ZCCHC17: variants seen among roughly 807,000 people sequenced by gnomAD.
ZCCHC17 encodes zinc finger CCHC domain-containing protein 17.
Under a neutral mutation model 30.6 loss-of-function variants are expected in ZCCHC17, and 18 were observed. The observed-to-expected ratio is 0.59, with a 90% confidence interval of 0.41 to 0.87. ZCCHC17 has a LOEUF of 0.87. ZCCHC17 is among the 40% of genes least tolerant of loss of function. The pLI, the probability that ZCCHC17 is intolerant of heterozygous loss-of-function variation, is 0.00. For missense variants in ZCCHC17, 263 were observed against 284.2 expected, an observed-to-expected ratio of 0.93 and a Z score of 0.54; for synonymous variants, 88 against 92.4, an observed-to-expected ratio of 0.95 and a Z score of 0.27.
At position 31,315,119 on chromosome 1, in the gene ZCCHC17, C is replaced by T. The variant is rs146656289; in HGVS notation, c.67-3990C>T. On this transcript the variant is annotated intron_variant, in intron 2 of 7. Coordinates refer to ENST00000344147, the MANE Select transcript of ZCCHC17 (RefSeq NM_016505.4). Reference sequence around the variant, plus strand: ...TATGTGTCTCTCTCCACTACTAGATCGTGAGTTACTGTAGAGCAGAGGCCA... The same window carrying T: ...TATGTGTCTCTCTCCACTACTAGATTGTGAGTTACTGTAGAGCAGAGGCCA... Among the ~76,000 whole-genome samples, 796 of 152,284 alleles carry T rather than the reference C, an allele frequency of 5.2e-3. 7 individuals carry two copies. The highest frequency in any genetic ancestry group is 0.018 in the African/African-American group (736 of 41,560).
intron 3 of ZCCHC17, among the ~76,000 whole-genome samples, chr1:31,328,008 TAAGGA>T (rs1221770272): frequency 6.6e-6 from 1 of 152,076 alleles, no homozygotes; most frequent in Non-Finnish European, 1.5e-5. Context: ...AAAAACAAAT[TAAGGA>T]AAGAAAACGT....
chr1:31,346,603 T>C (rs762285986), intron 5 of ZCCHC17, 37 bp from the exon 6 acceptor site: 135 of 1,582,040 alleles, frequency 8.5e-5, no homozygotes, highest in Non-Finnish European at 1.1e-4. Flanking sequence ...GCCATATCTC[T>C]TAAGGGGGCC....
chr1:31,325,613 A>C (rs1441302766), intron 3 of ZCCHC17, among the ~76,000 whole-genome samples: 13 of 152,116 alleles, frequency 8.5e-5, no homozygotes, highest in Admixed American at 7.9e-4. Context: ...TCACTCACTC[A>C]TGCATCCCTC....
intron 4 of ZCCHC17, among the ~76,000 whole-genome samples, chr1:31,337,557 GAACCAA>G (rs985944029): frequency 1.3e-5 from 2 of 152,090 alleles, no homozygotes; most frequent in Non-Finnish European, 2.9e-5. Context: ...AGAGAAAAAA[GAACCAA>G]AAAGAGAGAA....
In ZCCHC17 at chr1:31,318,296, A is replaced by G. The variant is rs1646782932; in HGVS notation, c.67-813A>G. 6 of 1,389,860 alleles carry G rather than the reference A, an allele frequency of 4.3e-6. No individual in the cohort carries two copies. In the Admixed American group the frequency reaches 1.0e-4, roughly 23 times the overall value. The allele number at this position is 1,389,860 out of a possible 1,614,324, so 86.1% of individuals were successfully genotyped here. ...TCATTTAGTGTTAAATTCAGCATATAGTGACAACATTACCCTCGATCCACA... is the reference window on the plus strand; with the variant it reads ...TCATTTAGTGTTAAATTCAGCATATGGTGACAACATTACCCTCGATCCACA... On this transcript the variant is annotated intron_variant, in intron 2 of 7. Transcript: ENST00000344147.
At chr1:31,340,556 A>T (rs1639011350) in intron 5 of ZCCHC17, among the ~76,000 whole-genome samples, 1 of 151,980 alleles carries the variant, frequency 6.6e-6, no homozygotes, top group Non-Finnish European at 1.5e-5. Flanking sequence ...ACCTCAGGTG[A>T]TCTGCCCGTC....
chr1:31,300,520 A>G (rs1038517680), intron 1 of ZCCHC17, among the ~76,000 whole-genome samples: 2 of 152,128 alleles, frequency 1.3e-5, no homozygotes, highest in African/African-American at 2.4e-5. Flanking sequence ...GCTAGGTTAG[A>G]CATACTGCCA....
At chr1:31,309,858 T>A (rs2148414243) in intron 1 of ZCCHC17, among the ~76,000 whole-genome samples, 186 bp from the exon 2 acceptor site, 1 of 152,042 alleles carries the variant, frequency 6.6e-6, no homozygotes. Flanking sequence ...AGTAACAAAT[T>A]GTTGAGAAAT....
At chr1:31,349,690 C>T (rs938796653) in intron 7 of ZCCHC17, among the ~76,000 whole-genome samples, 3 of 152,262 alleles carry the variant, frequency 2.0e-5, no homozygotes, top group Admixed American at 1.3e-4. Context: ...CATGTAAATA[C>T]AAAATTGTGG....
chr1:31,361,367 G>A (rs1639887069), intron 7 of ZCCHC17, among the ~76,000 whole-genome samples: 1 of 152,176 alleles, frequency 6.6e-6, no homozygotes, highest in South Asian at 2.1e-4. Context: ...CCCACTAAGT[G>A]CCTATAATGT....
At chr1:31,312,120 G>A (rs193298913) in intron 2 of ZCCHC17, among the ~76,000 whole-genome samples, 9 of 152,122 alleles carry the variant, frequency 5.9e-5, no homozygotes, top group Non-Finnish European at 8.8e-5. Context: ...AAATTTCTAC[G>A]GTATTTTGTT....
intron 7 of ZCCHC17, among the ~76,000 whole-genome samples, chr1:31,361,200 G>T (rs902151102): frequency 1.7e-4 from 26 of 152,190 alleles, no homozygotes; most frequent in African/African-American, 2.4e-5. Context: ...GGTAATGTGG[G>T]TCTGAGAAGC....
chr1:31,353,628 G>A (rs376031941), intron 7 of ZCCHC17, among the ~76,000 whole-genome samples: 3 of 152,024 alleles, frequency 2.0e-5, no homozygotes, highest in African/African-American at 4.8e-5. Context: ...TAGCTCTTAC[G>A]TTTAGGTCTT....
chr1:31,299,900 G>C (rs1646266748), intron 1 of ZCCHC17, among the ~76,000 whole-genome samples: 1 of 152,112 alleles, frequency 6.6e-6, no homozygotes, highest in South Asian at 2.1e-4. Flanking sequence ...AAAGGGGAGG[G>C]CTGATAGATT....
At chr1:31,345,148 CTGTTTGTT>C (rs149467715) in intron 5 of ZCCHC17, among the ~76,000 whole-genome samples, 38 of 147,948 alleles carry the variant, frequency 2.6e-4, no homozygotes, top group African/African-American at 7.8e-4. Context: ...TGGCAATGTT[CTGTTTGTT>C]TGTTTGTTTG....
At chr1:31,330,719 T>C (rs1638549211) in intron 3 of ZCCHC17, among the ~76,000 whole-genome samples, 1 of 152,236 alleles carries the variant, frequency 6.6e-6, no homozygotes, top group African/African-American at 2.4e-5. Context: ...CTGGATAATT[T>C]ATATGATTTC....
chr1:31,343,548 CA>C (rs1431914898), intron 5 of ZCCHC17, among the ~76,000 whole-genome samples: 1 of 152,094 alleles, frequency 6.6e-6, no homozygotes, highest in Non-Finnish European at 1.5e-5. Context: ...CCTCAGGTCC[CA>C]AAGTGTTAAT....
chr1:31,335,269 T>C (rs890603340), intron 3 of ZCCHC17, among the ~76,000 whole-genome samples: 6 of 152,238 alleles, frequency 3.9e-5, no homozygotes, highest in Admixed American at 3.9e-4. Flanking sequence ...CAATCCTGAT[T>C]TGTATATGTA....
chr1:31,322,388 A>G (rs56105061), intron 3 of ZCCHC17, among the ~76,000 whole-genome samples: 19,954 of 152,198 alleles, frequency 0.13, 1,454 homozygotes, highest in Non-Finnish European at 0.15. Flanking sequence ...TTCCCCCCAA[A>G]GTTGGTAATT....
Sources: gnomAD v4.1 joint callset for allele counts (sites outside exome capture counted in the v4.1 genomes callset) on GRCh38, gnomAD v4.1.1 for gene constraint, MANE v1.5 for transcripts, NCBI Gene and HGNC (gene_info 2026-07-23, HGNC 2026-07-21) for gene names.